BLTP3A: variants seen among roughly 807,000 people sequenced by gnomAD.
The protein encoded by BLTP3A is ICBP90 binding protein 1.
chr6:34,821,558 T>A, the BLTP3A span: 1 of 1,233,588 alleles, frequency 8.1e-7, no homozygotes, highest in Admixed American at 2.7e-5. Flanking sequence ...GTTCTTTAAT[T>A]TTTTCTTTTC....
chr6:34,864,686 G>A, the BLTP3A span, among the ~76,000 whole-genome samples: 44 of 152,078 alleles, frequency 2.9e-4, no homozygotes, highest in African/African-American at 1.0e-3. Context: ...AGAGTATCTA[G>A]GCTGGGCACA....
At chr6:34,824,843 G>T in the BLTP3A span, among the ~76,000 whole-genome samples, 1 of 151,516 alleles carries the variant, frequency 6.6e-6, no homozygotes, top group African/African-American at 2.4e-5. Context: ...GCTGATTTTT[G>T]TATTTTTAAT....
At chr6:34,834,201 A>G in the BLTP3A span, 26 of 1,611,680 alleles carry the variant, frequency 1.6e-5, no homozygotes, top group Middle Eastern at 3.3e-4. Flanking sequence ...TTGTTGGTCT[A>G]CCTCATTTGT....
At chr6:34,824,208 C>T in the BLTP3A span, among the ~76,000 whole-genome samples, 2 of 151,796 alleles carry the variant, frequency 1.3e-5, no homozygotes, top group Non-Finnish European at 2.9e-5. Flanking sequence ...CAGACAAGGC[C>T]TGGAAAAAAA....
chr6:34,809,154 AG>A, the BLTP3A span, among the ~76,000 whole-genome samples: 15 of 152,292 alleles, frequency 9.8e-5, no homozygotes, highest in African/African-American at 3.4e-4. Flanking sequence ...GCACTTTGGA[AG>A]GCTGAAGTGG....
At chr6:34,846,671 T>C in the BLTP3A span, among the ~76,000 whole-genome samples, 1 of 152,194 alleles carries the variant, frequency 6.6e-6, no homozygotes. Context: ...TGGTGGAGTC[T>C]TTAGATTTTT....
chr6:34,821,042 C>T, the BLTP3A span, among the ~76,000 whole-genome samples: 65 of 151,344 alleles, frequency 4.3e-4, no homozygotes, highest in African/African-American at 1.3e-3. Context: ...CTGCAACCTC[C>T]GCCTCCCAGG....
chr6:34,866,988 C>G, the BLTP3A span, among the ~76,000 whole-genome samples: 1 of 152,160 alleles, frequency 6.6e-6, no homozygotes, highest in Non-Finnish European at 1.5e-5. Context: ...CATGGAAGGA[C>G]ACTTGGGTTG....
chr6:34,867,751 A>AG, the BLTP3A span: 1 of 1,195,382 alleles, frequency 8.4e-7, no homozygotes, highest in Non-Finnish European at 1.1e-6. Flanking sequence ...CATTAGGGGG[A>AG]GGAAAAACTC....
chr6:34,843,471 T>C, the BLTP3A span, among the ~76,000 whole-genome samples: 1 of 152,352 alleles, frequency 6.6e-6, no homozygotes, highest in East Asian at 1.9e-4. Context: ...TTAATTTTTA[T>C]GGGTGATAGG....
chr6:34,840,246 A>G, the BLTP3A span, among the ~76,000 whole-genome samples: 2 of 152,188 alleles, frequency 1.3e-5, no homozygotes, highest in Non-Finnish European at 2.9e-5. Context: ...ACATTTGGGT[A>G]TATTGGTTTA....
chr6:34,852,852 C>T, the BLTP3A span, among the ~76,000 whole-genome samples: 4 of 152,294 alleles, frequency 2.6e-5, no homozygotes, highest in South Asian at 4.2e-4. Context: ...TAATAACCTC[C>T]GGATGGATGA....
At chr6:34,811,683 CCCG>C in the BLTP3A span, among the ~76,000 whole-genome samples, 849 of 119,200 alleles carry the variant, frequency 7.1e-3, 30 homozygotes, top group African/African-American at 0.025. Context: ...GACCCCCCCC[CCCG>C]CATCTCTACT....
the BLTP3A span, among the ~76,000 whole-genome samples, chr6:34,846,086 T>TCCCCTCCCCC: frequency 2.0e-5 from 1 of 49,088 alleles, no homozygotes; most frequent in Non-Finnish European, 4.0e-5. Context: ...TTCCCTCCCC[T>TCCCCTCCCCC]CCCCTCCCCT....
the BLTP3A span, among the ~76,000 whole-genome samples, chr6:34,794,087 G>A: frequency 6.6e-6 from 1 of 152,010 alleles, no homozygotes; most frequent in Non-Finnish European, 1.5e-5. Context: ...TTCAGCTCGG[G>A]AGGCGGAGGT....
the BLTP3A span, among the ~76,000 whole-genome samples, chr6:34,833,711 CAGGCCA>C: frequency 1.3e-5 from 2 of 151,768 alleles, no homozygotes. Flanking sequence ...GGCAGATCAC[CAGGCCA>C]AGAGATTGAG....
At chr6:34,871,215 C>T in the BLTP3A span, 1 of 1,359,856 alleles carries the variant, frequency 7.4e-7, no homozygotes, top group African/African-American at 1.5e-5. Flanking sequence ...AACCTCTTCC[C>T]TTTTCACTGT....
the BLTP3A span, chr6:34,834,960 G>A: frequency 6.3e-4 from 911 of 1,439,548 alleles, no homozygotes; most frequent in Non-Finnish European, 8.1e-4. Context: ...TATTGGCCCT[G>A]GAATGACAGT....
At chr6:34,793,859 C>T in the BLTP3A span, among the ~76,000 whole-genome samples, 2 of 151,682 alleles carry the variant, frequency 1.3e-5, no homozygotes, top group Non-Finnish European at 2.9e-5. Flanking sequence ...TGTTTAAGAG[C>T]CTGGGTTCTT....
Sources: allele counts gnomAD v4.1 joint callset (sites outside exome capture counted in the v4.1 genomes callset), GRCh38; gene constraint gnomAD v4.1.1; transcripts MANE v1.5; gene names NCBI Gene and HGNC (gene_info 2026-07-23, HGNC 2026-07-21).